SCEL: variants seen among roughly 807,000 people sequenced by gnomAD.
The protein encoded by SCEL is sciellin.
In SCEL, 113 loss-of-function variants were observed where a neutral mutation model predicts 117.6. That is an observed-to-expected ratio of 0.96 (90% CI 0.83 to 1.12). SCEL has a LOEUF of 1.12. SCEL is among the 50% of genes most tolerant of loss of function. The pLI, the probability that SCEL is intolerant of heterozygous loss-of-function variation, is 0.00. For missense variants in SCEL, 785 were observed against 810.8 expected, an observed-to-expected ratio of 0.97 and a Z score of 0.39; for synonymous variants, 270 against 256.2, an observed-to-expected ratio of 1.05 and a Z score of -0.51.
chr13:77,603,097 T>C lies in SCEL; in HGVS notation c.1059T>C (p.Ala353=), dbSNP rs1015161345. ...TSRRSEDLDN[A]TEVNPKGHEN... ...AAAGAAGTGAAGACCTTGATAATGCTACTGAAGTAAATCCCAAAGGACATG... is the reference window on the plus strand; with the variant it reads ...AAAGAAGTGAAGACCTTGATAATGCCACTGAAGTAAATCCCAAAGGACATG... Residue 353 remains alanine, a synonymous_variant, in exon 18 of 33, where the codon GCT becomes GCC. Coordinates refer to ENST00000349847, the MANE Select transcript of SCEL (RefSeq NM_144777.3). 6.4e-7 allele frequency: 1 copy of C among 1,563,016 alleles called. No homozygotes were observed. Among genetic ancestry groups the C allele is most frequent in the Admixed American group, 1.9e-5 (1 of 52,366 alleles).
intron 10 of SCEL, among the ~76,000 whole-genome samples, chr13:77,589,981 A>C (rs953026230): frequency 1.3e-5 from 2 of 152,146 alleles, no homozygotes; most frequent in African/African-American, 4.8e-5. Context: ...TGTGAGATTA[A>C]AAAATAGTAA....
intron 9 of SCEL, 60 bp downstream of exon 9, chr13:77,572,249 T>G: frequency 2.3e-6 from 3 of 1,282,188 alleles, no homozygotes; most frequent in Middle Eastern, 1.9e-4. Context: ...ATGTCAGACA[T>G]TGACAACATA....
chr13:77,596,269 G>T (rs2087223254), intron 12 of SCEL, among the ~76,000 whole-genome samples: 1 of 151,930 alleles, frequency 6.6e-6, no homozygotes, highest in Non-Finnish European at 1.5e-5. Flanking sequence ...GGAGGCGGAG[G>T]TTGCAGTGAG....
intron 9 of SCEL, among the ~76,000 whole-genome samples, chr13:77,579,209 G>C (rs1180772981): frequency 6.6e-6 from 1 of 152,106 alleles, no homozygotes; most frequent in African/African-American, 2.4e-5. Context: ...GACTCAGAAG[G>C]CTTATTATCT....
intron 24 of SCEL, among the ~76,000 whole-genome samples, chr13:77,614,608 G>A (rs1309262423): frequency 2.0e-5 from 3 of 151,966 alleles, no homozygotes; most frequent in African/African-American, 7.3e-5. Context: ...TTTAAGTTTT[G>A]TTGGTACGTA....
intron 9 of SCEL, among the ~76,000 whole-genome samples, chr13:77,576,053 T>G (rs1406939503): frequency 6.6e-6 from 1 of 152,192 alleles, no homozygotes; most frequent in Non-Finnish European, 1.5e-5. Flanking sequence ...TTCCTAAAAA[T>G]TTGATAGCCT....
chr13:77,601,137 G>A (rs2087653910), intron 15 of SCEL, among the ~76,000 whole-genome samples: 1 of 148,224 alleles, frequency 6.7e-6, no homozygotes, highest in African/African-American at 2.5e-5. Context: ...TTTGTACATG[G>A]CTATATGAGC....
intron 4 of SCEL, among the ~76,000 whole-genome samples, chr13:77,560,496 A>T (rs960520966): frequency 6.6e-6 from 1 of 152,144 alleles, no homozygotes; most frequent in Non-Finnish European, 1.5e-5. Flanking sequence ...ACCTTAGGGA[A>T]AGGAAGTCTA....
chr13:77,629,417 C>T (rs1382769773), intron 28 of SCEL, among the ~76,000 whole-genome samples: 1 of 152,008 alleles, frequency 6.6e-6, no homozygotes, highest in Non-Finnish European at 1.5e-5. Flanking sequence ...TTTGTAACTT[C>T]AGCTTACTCT....
At chr13:77,554,207 C>T (rs1567342319) in intron 1 of SCEL, among the ~76,000 whole-genome samples, 1 of 152,188 alleles carries the variant, frequency 6.6e-6, no homozygotes, top group East Asian at 1.9e-4. Context: ...GTGCGAGTCA[C>T]TGGATAGAAG....
intron 1 of SCEL, among the ~76,000 whole-genome samples, chr13:77,541,866 A>G (rs1395958893): frequency 6.6e-6 from 1 of 152,260 alleles, no homozygotes; most frequent in Non-Finnish European, 1.5e-5. Context: ...TATGAAATAC[A>G]GTAAAGTATT....
Position 77,591,532 on chromosome 13 carries a change from A to G in SCEL, c.692+72A>G, listed in dbSNP as rs887658907. ...GTATGCTTTCTCAGCACATTAAAAA[A>G]TGCAAGGCAATTAATAATAAGGTAG... On this transcript the variant is annotated intron_variant, in intron 11 of 32. Transcript: ENST00000349847. 9.6e-6 allele frequency: 8 copies of G among 834,982 alleles called. No individual in the cohort carries two copies. The Middle Eastern group carries it at 1.6e-3, about 170-fold the overall frequency. 51.7% of individuals were successfully genotyped at this position (834,982 alleles called of 1,614,324 possible). A position where few individuals can be genotyped will look rare whatever the true frequency, so the allele number is the denominator to read the frequency against.
At chr13:77,612,826 T>A in intron 22 of SCEL, 65 bp from the exon 23 acceptor site, 1 of 969,374 alleles carries the variant, frequency 1.0e-6, no homozygotes, top group Non-Finnish European at 1.6e-6. Flanking sequence ...AATATTAAGG[T>A]TGAAAAAATA....
chr13:77,589,560 A>G (rs1053950375), intron 10 of SCEL, among the ~76,000 whole-genome samples: 2 of 152,204 alleles, frequency 1.3e-5, no homozygotes, highest in East Asian at 1.9e-4. Context: ...TGTATCACAT[A>G]TAATATACAT....
Position 77,640,733 on chromosome 13 carries a change from T to G in SCEL, c.1896T>G (p.Thr632=), listed in dbSNP as rs1451850210. The change falls in exon 31 of 33, where the codon ACT becomes ACG. Residue 632 remains threonine (T), a synonymous_variant. Coordinates refer to ENST00000349847, the MANE Select transcript of SCEL (RefSeq NM_144777.3). ...GCCGAAAACCCTTGGGTGTAGAAACTAAAATGATTTTAGATGAATTACAAA... is the reference window on the plus strand; with the variant it reads ...GCCGAAAACCCTTGGGTGTAGAAACGAAAATGATTTTAGATGAATTACAAA... The part of the protein sequence containing the change: ...TYCRKPLGVE[T]KMILDELQIC... The G allele has an allele frequency of 6.2e-7, 1 of 1,607,266 alleles. No homozygotes were observed. Among genetic ancestry groups the G allele is most frequent in the Non-Finnish European group, 8.5e-7 (1 of 1,175,400 alleles).
intron 1 of SCEL, among the ~76,000 whole-genome samples, chr13:77,546,284 C>T (rs1329891206): frequency 1.3e-5 from 2 of 152,184 alleles, no homozygotes; most frequent in African/African-American, 4.8e-5. Context: ...GGTCATATCA[C>T]ATGGCACTTT....
chr13:77,552,069 C>T (rs939926885), intron 1 of SCEL, among the ~76,000 whole-genome samples: 1 of 151,714 alleles, frequency 6.6e-6, no homozygotes, highest in African/African-American at 2.4e-5. Flanking sequence ...GTATATGTGC[C>T]ATATTTTCTT....
intron 13 of SCEL, among the ~76,000 whole-genome samples, chr13:77,598,465 A>G (rs1414007741): frequency 6.6e-6 from 1 of 152,142 alleles, no homozygotes; most frequent in Non-Finnish European, 1.5e-5. Context: ...AGGAGGTTTT[A>G]GATCAGGAGT....
At chr13:77,639,761 C>T (rs2090472226) in intron 30 of SCEL, among the ~76,000 whole-genome samples, 1 of 151,986 alleles carries the variant, frequency 6.6e-6, no homozygotes, top group Non-Finnish European at 1.5e-5. Flanking sequence ...CTTCATATAT[C>T]ATATAAAGGG....
Sources: allele counts gnomAD v4.1 joint callset (sites outside exome capture counted in the v4.1 genomes callset), GRCh38; gene constraint gnomAD v4.1.1; transcripts MANE v1.5; gene names NCBI Gene and HGNC (gene_info 2026-07-23, HGNC 2026-07-21).